Variants in PSPC1 observed in about 807,000 individuals in gnomAD.
The protein encoded by PSPC1 is paraspeckle protein 1.
In PSPC1, 14 loss-of-function variants were observed where a neutral mutation model predicts 51.6. The observed-to-expected ratio is 0.27, with a 90% CI of 0.18 to 0.42. The LOEUF (loss-of-function observed/expected upper bound fraction) is 0.42. PSPC1 is among the 10% of genes least tolerant of loss of function. The pLI, the probability that PSPC1 is intolerant of heterozygous loss-of-function variation, is 1.00. For missense variants in PSPC1, 406 were observed against 701.1 expected (o/e 0.58, Z 4.75); for synonymous variants, 193 against 231.9 (o/e 0.83, Z 1.53).
At chr13:19,769,113 T>G (rs1488978993) in intron 2 of PSPC1, among the ~76,000 whole-genome samples, 1 of 150,858 alleles carries the variant, frequency 6.6e-6, no homozygotes, top group Non-Finnish European at 1.5e-5. Flanking sequence ...CACTCCAGCC[T>G]GGGTGACACA....
Position 19,782,701 on chromosome 13 carries a change from A to G in PSPC1, c.57T>C (p.Leu19=), listed in dbSNP as rs777227512. The G allele has an allele frequency of 6.4e-7, 1 of 1,572,380 alleles. No homozygotes were observed. Among genetic ancestry groups the G allele is most frequent in the South Asian group, 1.1e-5 (1 of 87,780 alleles). Residue 19 remains leucine, a synonymous_variant, in exon 1 of 9, where the codon CTT becomes CTC. Coordinates refer to ENST00000338910, the MANE Select transcript of PSPC1 (RefSeq NM_001354909.2). This position sits in a 1 kb window ranked among gnomAD's most constrained non-coding sequence, Gnocchi z 4.5. ...QVRIEKNPAR[L]RALESAVGES... ...CGCCCACCGCGGACTCCAGGGCGCG[A>G]AGGCGGGCCGGGTTTTTCTCAATGC...
At chr13:19,684,999 T>G (rs1877704395) in intron 6 of PSPC1, among the ~76,000 whole-genome samples, 1 of 152,250 alleles carries the variant, frequency 6.6e-6, no homozygotes, top group African/African-American at 2.4e-5. Context: ...TGTCACATTT[T>G]GTAAATGTAC....
At chr13:19,712,754 T>C (rs1327176364) in intron 6 of PSPC1, among the ~76,000 whole-genome samples, 1 of 152,052 alleles carries the variant, frequency 6.6e-6, no homozygotes, top group African/African-American at 2.4e-5. Context: ...TAAATATATA[T>C]ATATATACTT....
intron 2 of PSPC1, among the ~76,000 whole-genome samples, chr13:19,769,448 G>A (rs572617607): frequency 3.5e-4 from 54 of 152,318 alleles, no homozygotes; most frequent in African/African-American, 1.3e-3. Flanking sequence ...CCAGCTACTC[G>A]GGAGGCTGAG....
At chr13:19,735,820 CA>C (rs201549890) in intron 5 of PSPC1, among the ~76,000 whole-genome samples, 14 of 150,274 alleles carry the variant, frequency 9.3e-5, no homozygotes, top group South Asian at 4.2e-4. Context: ...CAAAACTACT[CA>C]AAAAAAAAAT....
intron 6 of PSPC1, among the ~76,000 whole-genome samples, chr13:19,682,977 A>T (rs1000255800): frequency 1.3e-5 from 2 of 152,054 alleles, no homozygotes; most frequent in African/African-American, 4.8e-5. Context: ...CTGAGACTGG[A>T]GGATGGTTTA....
rs1290041333 is a variant in PSPC1, at chr13:19,782,260, G to C, written c.372+126C>G. ...CAACCCCGCACAGAGGAATCGATGA[G>C]GCCGAGCGGCGCCACGGTTGCCACA... On this transcript the variant is annotated intron_variant, in intron 1 of 8. Coordinates refer to ENST00000338910, the MANE Select transcript of PSPC1 (RefSeq NM_001354909.2). The surrounding 1 kb of genome is among the most constrained non-coding windows in gnomAD (Gnocchi z 4.5). 1 of 1,381,484 alleles carries C rather than the reference G, an allele frequency of 7.2e-7. No individual in the cohort carries two copies. The highest frequency in any genetic ancestry group is 2.7e-5 in the East Asian group (1 of 37,500). 85.6% of individuals were successfully genotyped at this position (1,381,484 alleles called of 1,614,324 possible).
At chr13:19,743,938 T>C (rs1885690004) in intron 4 of PSPC1, among the ~76,000 whole-genome samples, 1 of 151,806 alleles carries the variant, frequency 6.6e-6, no homozygotes, top group Non-Finnish European at 1.5e-5. Context: ...AGAAACCCCG[T>C]CTCTACTAAA....
At chr13:19,777,465 T>C (rs956377906) in intron 1 of PSPC1, among the ~76,000 whole-genome samples, 1 of 141,248 alleles carries the variant, frequency 7.1e-6, no homozygotes, top group South Asian at 2.3e-4. Context: ...AACTTTTACA[T>C]AAAAATTTTC....
chr13:19,679,406 G>C (rs930760517), intron 6 of PSPC1, among the ~76,000 whole-genome samples: 1 of 152,288 alleles, frequency 6.6e-6, no homozygotes, highest in African/African-American at 2.4e-5. Context: ...TGAAGCAGAA[G>C]GATCGTTTGA....
At chr13:19,700,726 C>T (rs1310091242), downstream of PSPC1, among the ~76,000 whole-genome samples, 3 of 151,980 alleles carry the variant, frequency 2.0e-5, no homozygotes, top group African/African-American at 7.2e-5. Flanking sequence ...ATCACACAAA[C>T]TATCATAATA....
chr13:19,671,210 G>T, downstream of PSPC1: 1 of 1,613,776 alleles, frequency 6.2e-7, no homozygotes, highest in Non-Finnish European at 8.5e-7. Context: ...TTGTAGGACA[G>T]TCATTTTGTT....
chr13:19,676,857 G>A (rs1321692120), intron 7 of PSPC1, among the ~76,000 whole-genome samples: 1 of 152,120 alleles, frequency 6.6e-6, no homozygotes, highest in African/African-American at 2.4e-5. Flanking sequence ...TTTTAAGAGT[G>A]ACATAACAAA....
At chr13:19,686,192 T>C (rs769244698) in intron 6 of PSPC1, among the ~76,000 whole-genome samples, 19 of 152,180 alleles carry the variant, frequency 1.2e-4, no homozygotes, top group Non-Finnish European at 2.5e-4. Context: ...TCCCATTTTA[T>C]TCAGGGAAAA....
chr13:19,740,174 T>C (rs1885291284), intron 5 of PSPC1, among the ~76,000 whole-genome samples: 2 of 152,044 alleles, frequency 1.3e-5, no homozygotes, highest in Admixed American at 1.3e-4. Context: ...AGAAACCCCG[T>C]CTCTACTAAA....
chr13:19,732,360 A>G (rs1212879183), intron 5 of PSPC1, among the ~76,000 whole-genome samples: 1 of 152,180 alleles, frequency 6.6e-6, no homozygotes, highest in African/African-American at 2.4e-5. Flanking sequence ...ATAAAGGTCA[A>G]ATGTGTTGAA....
At chr13:19,781,128 A>G (rs1206827305) in intron 1 of PSPC1, among the ~76,000 whole-genome samples, 1 of 149,958 alleles carries the variant, frequency 6.7e-6, no homozygotes, top group Admixed American at 6.6e-5. Context: ...CCTGGGTGAT[A>G]GAGCGAGACC....
chr13:19,704,684 CT>C (rs1341380226), intron 8 of PSPC1, among the ~76,000 whole-genome samples: 1 of 152,058 alleles, frequency 6.6e-6, no homozygotes, highest in African/African-American at 2.4e-5. Context: ...TAGTGACAGA[CT>C]TTAATAGAAA....
intron 5 of PSPC1, among the ~76,000 whole-genome samples, chr13:19,733,229 G>T (rs1420268832): frequency 6.6e-6 from 1 of 152,196 alleles, no homozygotes; most frequent in Admixed American, 6.5e-5. Context: ...AAACACATCT[G>T]TTACAGAGGT....
Sources: gnomAD v4.1 joint callset for allele counts (sites outside exome capture counted in the v4.1 genomes callset) on GRCh38, gnomAD v4.1.1 for gene constraint, Gnocchi (gnomAD v3.1) non-coding constraint, MANE v1.5 for transcripts, NCBI Gene and HGNC (gene_info 2026-07-23, HGNC 2026-07-21) for gene names.